DPP6: variants seen among roughly 807,000 people sequenced by gnomAD.
DPP6 encodes the protein dipeptidyl peptidase like 6, also known as A-type potassium channel modulatory protein DPP6.
In DPP6, 69 loss-of-function variants were observed where a neutral mutation model predicts 122.6. The observed-to-expected ratio is 0.56, with a 90% CI of 0.46 to 0.69. The LOEUF (loss-of-function observed/expected upper bound fraction) is 0.69. Ranked by LOEUF, DPP6 falls within the 30% of genes least tolerant of loss-of-function variation. DPP6 has a pLI of 0.00. For missense variants in DPP6, 928 were observed against 1,116.9 expected (o/e 0.83, Z 2.41); for synonymous variants, 418 against 433.1 (o/e 0.97, Z 0.43).
In DPP6 at chr7:154,195,384, G is replaced by A. The variant is rs572890430; in HGVS notation, c.243+142321G>A. 4.7e-4 allele frequency among the ~76,000 whole-genome samples: 72 copies of A among 152,246 alleles called. No individual in the cohort carries two copies. The East Asian group carries it at 0.013, about 27-fold the overall frequency. ...GGAAAATGGAAACTGCCATTGGCTGGCAGCCTGTTGGGTAAGAATGGAAAC... is the reference window on the plus strand; with the variant it reads ...GGAAAATGGAAACTGCCATTGGCTGACAGCCTGTTGGGTAAGAATGGAAAC... On this transcript the variant is annotated intron_variant, in intron 1 of 25. Coordinates refer to ENST00000377770, the MANE Select transcript of DPP6 (RefSeq NM_130797.4).
chr7:154,043,433 A>AAAAAAAAAAAAAAAC (rs1799865034), intron 1 of DPP6, among the ~76,000 whole-genome samples: 1 of 115,638 alleles, frequency 8.6e-6, no homozygotes, highest in Admixed American at 1.0e-4. Context: ...AAAAAAAAAA[A>AAAAAAAAAAAAAAAC]AAAAGGACCT....
chr7:154,684,844 C>T (rs3807230), intron 7 of DPP6, among the ~76,000 whole-genome samples: 42,612 of 152,170 alleles, frequency 0.28, 5,918 homozygotes, highest in East Asian at 0.32. Flanking sequence ...TCCTCAGATA[C>T]CACTGCTGTC....
chr7:154,183,652 C>G (rs1030660212), intron 1 of DPP6, among the ~76,000 whole-genome samples: 2 of 152,220 alleles, frequency 1.3e-5, no homozygotes, highest in Non-Finnish European at 2.9e-5. Flanking sequence ...CTGCTGGGCA[C>G]TGATCAGGTT....
chr7:154,611,502 T>A (rs12719634), intron 5 of DPP6, among the ~76,000 whole-genome samples: 61,495 of 152,052 alleles, frequency 0.4, 13,452 homozygotes, highest in East Asian at 0.65. Context: ...TTTTCTTGCT[T>A]CCTCATCTCT....
At chr7:154,323,979 A>G (rs943790876) in intron 1 of DPP6, among the ~76,000 whole-genome samples, 5 of 152,244 alleles carry the variant, frequency 3.3e-5, no homozygotes, top group Non-Finnish European at 5.9e-5. Context: ...TAAAATACAC[A>G]TATACGCAGA....
intron 7 of DPP6, among the ~76,000 whole-genome samples, chr7:154,726,113 C>T (rs569451008): frequency 2.6e-5 from 4 of 152,312 alleles, no homozygotes; most frequent in African/African-American, 9.6e-5. Flanking sequence ...CACAGGGTGG[C>T]ATTGAGTGCC....
intron 7 of DPP6, among the ~76,000 whole-genome samples, chr7:154,670,395 C>G (rs1371435811): frequency 6.6e-6 from 1 of 152,252 alleles, no homozygotes; most frequent in African/African-American, 2.4e-5. Context: ...CTGGTTCTCA[C>G]TGCCGAGCTG....
chr7:153,934,728 G>A (rs1801347065), intron 1 of DPP6, among the ~76,000 whole-genome samples: 1 of 152,166 alleles, frequency 6.6e-6, no homozygotes, highest in East Asian at 1.9e-4. Context: ...AGACAGCAGT[G>A]CAGACCTTGT....
At chr7:154,274,115 C>A (rs1178426176) in intron 1 of DPP6, among the ~76,000 whole-genome samples, 1 of 152,142 alleles carries the variant, frequency 6.6e-6, no homozygotes, top group African/African-American at 2.4e-5. Context: ...TTAGAGGAGT[C>A]CTGAGAAATT....
intron 1 of DPP6, among the ~76,000 whole-genome samples, chr7:154,060,578 G>A (rs1327181217): frequency 7.2e-6 from 1 of 139,228 alleles, no homozygotes; most frequent in Non-Finnish European, 1.6e-5. Flanking sequence ...TACCTTACGT[G>A]GGATTACTGA....
At chr7:154,558,662 C>G (rs1830208467) in intron 4 of DPP6, among the ~76,000 whole-genome samples, 1 of 152,166 alleles carries the variant, frequency 6.6e-6, no homozygotes, top group Non-Finnish European at 1.5e-5. Flanking sequence ...AGGCTTGGAG[C>G]CTTGGAGCAA....
intron 1 of DPP6, among the ~76,000 whole-genome samples, chr7:153,942,334 G>C (rs1165235747): frequency 1.3e-5 from 2 of 152,178 alleles, no homozygotes; most frequent in South Asian, 2.1e-4. Context: ...TTCACCTGTT[G>C]GTTGATACCC....
the DPP6 span, among the ~76,000 whole-genome samples, chr7:153,830,113 G>A: frequency 3.9e-5 from 6 of 152,198 alleles, no homozygotes; most frequent in African/African-American, 4.8e-5. Flanking sequence ...TAATGTACTT[G>A]TCTCCTGGTT....
At chr7:154,143,398 CCTTAA>C (rs1257698891) in intron 1 of DPP6, among the ~76,000 whole-genome samples, 4 of 151,226 alleles carry the variant, frequency 2.6e-5, no homozygotes, top group Non-Finnish European at 4.4e-5. Flanking sequence ...GGGGATGTAA[CCTTAA>C]CTTTCAGATA....
intron 1 of DPP6, among the ~76,000 whole-genome samples, chr7:154,206,442 AT>A (rs1799451073): frequency 6.6e-6 from 1 of 152,174 alleles, no homozygotes; most frequent in South Asian, 2.1e-4. Context: ...GTCCTTGAAT[AT>A]GCTCTTGCCC....
At chr7:154,830,744 T>C (rs1366715476) in intron 16 of DPP6, among the ~76,000 whole-genome samples, 1 of 152,230 alleles carries the variant, frequency 6.6e-6, no homozygotes, top group Non-Finnish European at 1.5e-5. Context: ...CTACTATCTA[T>C]ACGTCCACAT....
chr7:153,887,361 T>A (rs1483550096), exon 1 of DPP6: 3 of 230,474 alleles, frequency 1.3e-5, no homozygotes, highest in Non-Finnish European at 2.6e-5. Flanking sequence ...TCGCCCTCGC[T>A]AGCTGGGCTC....
intron 1 of DPP6, among the ~76,000 whole-genome samples, chr7:154,034,566 A>G (rs2907740): frequency 5.3e-5 from 8 of 152,116 alleles, no homozygotes; most frequent in South Asian, 2.1e-4. Flanking sequence ...TTTGAGATCA[A>G]TGATTTCTCT....
intron 1 of DPP6, among the ~76,000 whole-genome samples, chr7:154,223,641 C>T (rs1207903703): frequency 6.7e-6 from 1 of 149,096 alleles, no homozygotes; most frequent in Non-Finnish European, 1.5e-5. Context: ...TAGGCAGAAA[C>T]ATGTGGCCAA....
Sources: gnomAD v4.1 joint callset for allele counts (sites outside exome capture counted in the v4.1 genomes callset) on GRCh38, gnomAD v4.1.1 for gene constraint, MANE v1.5 for transcripts, NCBI Gene and HGNC (gene_info 2026-07-23, HGNC 2026-07-21) for gene names.